The following HNRNPUL1 variants were observed in gnomAD, a reference collection of about 807,000 sequenced individuals.
HNRNPUL1 encodes the protein heterogeneous nuclear ribonucleoprotein U-like protein 1.
In HNRNPUL1, 14 loss-of-function variants were observed where a neutral mutation model predicts 108.5. That is an observed-to-expected ratio of 0.13 (90% CI 0.09 to 0.20). The LOEUF (loss-of-function observed/expected upper bound fraction) is 0.20, where lower values mean the gene tolerates loss of function less well. Ranked by LOEUF, HNRNPUL1 falls within the 10% of genes least tolerant of loss-of-function variation. The pLI, the probability that HNRNPUL1 is intolerant of heterozygous loss-of-function variation, is 1.00. For missense variants in HNRNPUL1, 804 were observed against 1,168.3 expected, an observed-to-expected ratio of 0.69 and a Z score of 4.55; for synonymous variants, 422 against 445.2, an observed-to-expected ratio of 0.95 and a Z score of 0.66.
intron 10 of HNRNPUL1, among the ~76,000 whole-genome samples, chr19:41,301,035 G>C (rs552944423): frequency 6.6e-6 from 1 of 152,298 alleles, no homozygotes; most frequent in South Asian, 2.1e-4. Flanking sequence ...CACGTTACAT[G>C]AAAAAGCCTC....
upstream of HNRNPUL1, chr19:41,262,725 C>G (rs1289789000): frequency 6.6e-6 from 1 of 152,286 alleles, no homozygotes; most frequent in Non-Finnish European, 1.5e-5. Context: ...TACACTGCAG[C>G]GGGGTGCCTT....
intron 5 of HNRNPUL1, chr19:41,276,818 G>A (rs1055022066): frequency 2.6e-5 from 4 of 152,360 alleles, no homozygotes; most frequent in African/African-American, 4.8e-5. Context: ...GGTTATTCTC[G>A]CCAGGTGTGG....
intron 2 of HNRNPUL1, among the ~76,000 whole-genome samples, chr19:41,269,959 T>G (rs1042497866): frequency 1.3e-5 from 2 of 150,276 alleles, no homozygotes; most frequent in Admixed American, 6.6e-5. Context: ...CTGAGCATGG[T>G]TGCACAATCC....
chr19:41,302,920 G>A lies in HNRNPUL1; in HGVS notation c.1943G>A (p.Gly648Asp). 1 of 1,530,538 alleles carries A rather than the reference G, an allele frequency of 6.5e-7. No individual in the cohort carries two copies. Among genetic ancestry groups the A allele is most frequent in the South Asian group, 1.3e-5 (1 of 77,424 alleles). The allele number at this position is 1,530,538 out of a possible 1,614,324, so 94.8% of individuals were successfully genotyped here. A position where few individuals can be genotyped will look rare whatever the true frequency, so the allele number is the denominator to read the frequency against. Residue 648 changes from glycine (G) to aspartate (D), a missense_variant, in exon 12 of 15, where the codon GGC (glycine) becomes GAC (aspartate). Gly to Asp is a moderately conservative substitution (Grantham distance 94). This residue lies in a region of HNRNPUL1 where 294 missense variants were observed against 388.3 expected (regional missense o/e 0.76). Coordinates refer to ENST00000392006, the MANE Select transcript of HNRNPUL1 (RefSeq NM_007040.6). The part of the protein sequence containing the change: ...NRGGFQNRGG[G>D]SGGGGNYRGG... ...GGCGGCTTCCAGAACCGAGGGGGAG[G>A]CAGCGGTGGAGGAGGCAACTACCGA...
Position 41,284,950 on chromosome 19 carries a change from T to G in HNRNPUL1, c.999+3675T>G, listed in dbSNP as rs535142706. Among the ~76,000 whole-genome samples the G allele has an allele frequency of 8.0e-4, 119 of 148,112 alleles. 1 individual carries two copies. Among genetic ancestry groups the G allele is most frequent in the Admixed American group, 2.6e-3 (38 of 14,620 alleles). ...GGCGGAGCTTGCAGTGAGCCACGAT[T>G]GCGCCACTGTACTCCCGCCTGGGTA... On this transcript the variant is annotated intron_variant, in intron 7 of 14. Transcript: ENST00000392006.
At position 41,292,402 on chromosome 19, in the gene HNRNPUL1, G is replaced by A. The variant is rs1334835595; in HGVS notation, c.1157G>A (p.Arg386Lys). Residue 386 changes from arginine to lysine, a missense_variant, in exon 8 of 15, where the codon AGA becomes AAA. Arg to Lys is a conservative substitution (Grantham distance 26, BLOSUM62 2). Coordinates refer to ENST00000392006, the MANE Select transcript of HNRNPUL1 (RefSeq NM_007040.6). The surrounding 1 kb of genome is among the most constrained non-coding windows in gnomAD (Gnocchi z 4.1). Reference protein sequence around the residue: ...NCAVEFNFGQRAEPYCSVLPG... With the variant: ...NCAVEFNFGQKAEPYCSVLPG... ...GCAGTGGAGTTCAACTTCGGACAGA[G>A]AGCAGAGCCCTACTGTTCTGTCCTC... The A allele has an allele frequency of 6.2e-7, 1 of 1,614,226 alleles. No homozygotes were observed. Among genetic ancestry groups the A allele is most frequent in the Non-Finnish European group, 8.5e-7 (1 of 1,180,048 alleles).
chr19:41,302,863 A>G lies in HNRNPUL1; in HGVS notation c.1886A>G (p.Tyr629Cys), dbSNP rs780412056. ...GRGGGGGFQR[Y>C]ENRGPPGGNR... is the part of the protein sequence containing the mutation. ...GGGGGTGGTGGTGGCTTCCAGCGCT[A>G]TGAAAACCGAGGACCCCCTGGAGGC... Residue 629 changes from tyrosine to cysteine, a missense_variant, in exon 12 of 15, where the codon TAT becomes TGT. By Grantham distance (194) the Tyr-to-Cys change is radical. Transcript: ENST00000392006. The G allele has an allele frequency of 1.3e-6, 2 of 1,571,436 alleles. No homozygotes were observed. Among genetic ancestry groups the G allele is most frequent in the East Asian group, 2.2e-5 (1 of 44,570 alleles).
intron 1 of HNRNPUL1, chr19:41,265,091 C>T: frequency 2.8e-6 from 4 of 1,412,610 alleles, no homozygotes; most frequent in Middle Eastern, 5.2e-4. Context: ...AAACTGCTTT[C>T]TGGAGCCGAA....
At chr19:41,277,487 G>T (rs1441204152) in intron 5 of HNRNPUL1, among the ~76,000 whole-genome samples, 3 of 152,160 alleles carry the variant, frequency 2.0e-5, no homozygotes, top group Non-Finnish European at 2.9e-5. Context: ...AAACTACGCA[G>T]TGTTTTCTTT....
rs1402916875 is a variant in HNRNPUL1 at position 41,294,705 on chromosome 19, T to G, written c.1518+19T>G. The G allele has an allele frequency of 2.5e-6, 4 of 1,613,774 alleles. No individual in the cohort carries two copies. The highest frequency in any genetic ancestry group is 2.2e-5 in the South Asian group (2 of 90,968). On this transcript the variant is annotated intron_variant, in intron 10 of 14. Coordinates refer to ENST00000392006, the MANE Select transcript of HNRNPUL1 (RefSeq NM_007040.6). This position sits in a 1 kb window ranked among gnomAD's most constrained non-coding sequence, Gnocchi z 4.3. The stretch of plus-strand genomic sequence containing the variant: ...AGATCAGGTACTTAATGATGACCAT[T>G]GTGTCCTCAGGAGAAGGGAGGGGAC...
At chr19:41,298,738 C>G (rs1445132065) in intron 10 of HNRNPUL1, 1 of 152,172 alleles carries the variant, frequency 6.6e-6, no homozygotes, top group Non-Finnish European at 1.5e-5. Context: ...ATTTATAAGT[C>G]CAATCTGCTC....
Position 41,304,412 on chromosome 19 carries a change from C to T in HNRNPUL1, c.2262+151C>T, listed in dbSNP as rs1353168997. The T allele has an allele frequency of 1.4e-5, 19 of 1,391,362 alleles. No homozygotes were observed. In the East Asian group the frequency reaches 3.3e-4, roughly 24 times the overall value. The allele number at this position is 1,391,362 out of a possible 1,614,324, so 86.2% of individuals were successfully genotyped here. A position where few individuals can be genotyped will look rare whatever the true frequency, so the allele number is the denominator to read the frequency against. On this transcript the variant is annotated intron_variant, in intron 13 of 14. Coordinates refer to ENST00000392006, the MANE Select transcript of HNRNPUL1 (RefSeq NM_007040.6). The stretch of plus-strand genomic sequence containing the variant: ...CTAGCCTGCCCTTCTTTCTCCCTGG[C>T]CGTGATCTTGACTCAGATGGACCCT...
Position 41,303,980 on chromosome 19 carries a change from C to T in HNRNPUL1, c.1981C>T (p.Arg661Cys), listed in dbSNP as rs758461986. Residue 661 changes from arginine to cysteine, a missense_variant, in exon 13 of 15, where the codon CGC becomes TGC. Transcript: ENST00000392006. ...GGATTTCTCCAACACAGGTTTCAAC[C>T]GCAGCGGAGGTGGTGGCTATAGCCA... is the stretch of plus-strand genomic sequence containing the variant. ...GGGNYRGGFN[R>C]SGGGGYSQNR... 6.8e-6 allele frequency: 11 copies of T among 1,608,982 alleles called. No homozygotes were observed. The highest frequency in any genetic ancestry group is 1.7e-5 in the Admixed American group (1 of 59,796).
Position 41,271,945 on chromosome 19 carries a change from C to T in HNRNPUL1, c.419-137C>T. 4.2e-6 allele frequency: 4 copies of T among 953,712 alleles called. No individual in the cohort carries two copies. In the African/African-American group the frequency reaches 4.9e-5, roughly 12 times the overall value. 59.1% of individuals were successfully genotyped at this position (953,712 alleles called of 1,614,324 possible). ...TGGCTCAGCAGGCTTCTGTTGAACT[C>T]AGCAAGCTGCCTGTGCCCAGCCCTT... On this transcript the variant is annotated intron_variant, in intron 2 of 14. Transcript: ENST00000392006.
At position 41,281,487 on chromosome 19, in the gene HNRNPUL1, A is replaced by T. The variant is rs140130000; in HGVS notation, c.999+212A>T. On this transcript the variant is annotated intron_variant, in intron 7 of 14. Coordinates refer to ENST00000392006, the MANE Select transcript of HNRNPUL1 (RefSeq NM_007040.6). ...GTCTTGTGTGCAAAGTTTTCAGATG[A>T]CACCCTGAAGAGGTTTGGGGACTTC... Among the ~76,000 whole-genome samples the T allele has an allele frequency of 1.7e-3, 262 of 152,070 alleles. 2 individuals are homozygous for T. Among genetic ancestry groups the T allele is most frequent in the Non-Finnish European group, 2.8e-3 (193 of 67,986 alleles).
chr19:41,264,980 C>T (rs2034723186), intron 1 of HNRNPUL1, 182 bp downstream of exon 1: 3 of 1,350,844 alleles, frequency 2.2e-6, no homozygotes, highest in African/African-American at 1.5e-5. Flanking sequence ...TGGATCCTGA[C>T]ACTCAGTGCA....
Position 41,294,956 on chromosome 19 carries a change from G to A in HNRNPUL1, c.1518+270G>A, listed in dbSNP as rs1040865460. Among the ~76,000 whole-genome samples the A allele has an allele frequency of 2.0e-5, 3 of 152,180 alleles. No homozygotes were observed. The highest frequency in any genetic ancestry group is 2.9e-5 in the Non-Finnish European group (2 of 68,028). On this transcript the variant is annotated intron_variant, in intron 10 of 14. Coordinates refer to ENST00000392006, the MANE Select transcript of HNRNPUL1 (RefSeq NM_007040.6). This position sits in a 1 kb window ranked among gnomAD's most constrained non-coding sequence, Gnocchi z 4.3. ...CTGTTTAGCAAAATGGAAGGAGTAT[G>A]GATTTCCAAGCCTGAGAGACTGGAG... is the stretch of plus-strand genomic sequence containing the variant.
At chr19:41,283,845 G>A (rs779485158) in intron 7 of HNRNPUL1, among the ~76,000 whole-genome samples, 2 of 152,032 alleles carry the variant, frequency 1.3e-5, no homozygotes, top group Non-Finnish European at 2.9e-5. Context: ...TGCCCACCTC[G>A]GCCTGCGAAA....
chr19:41,288,721 C>T (rs1450947325), intron 7 of HNRNPUL1, among the ~76,000 whole-genome samples: 1 of 152,168 alleles, frequency 6.6e-6, no homozygotes. Context: ...TATTCTGATG[C>T]AGGGGTTTGG....
Sources: allele counts gnomAD v4.1 joint callset (sites outside exome capture counted in the v4.1 genomes callset), GRCh38; gene constraint gnomAD v4.1.1; regional missense constraint gnomAD v4.1.1; non-coding constraint Gnocchi (gnomAD v3.1); transcripts MANE v1.5; gene names NCBI Gene and HGNC (gene_info 2026-07-23, HGNC 2026-07-21).